The following KMT2A variants were observed in gnomAD, a reference collection of about 807,000 sequenced individuals.
KMT2A encodes the protein histone-lysine N-methyltransferase 2A.
A neutral mutation model predicts 345.3 loss-of-function variants in KMT2A; 16 were observed. The observed-to-expected ratio is 0.05, with a 90% CI of 0.03 to 0.07. The LOEUF is 0.07. Among genes scored for constraint, KMT2A ranks in the 10% least tolerant of loss-of-function variants. KMT2A has a pLI of 1.00. For missense variants in KMT2A, 3,272 were observed against 4,841.6 expected, an observed-to-expected ratio of 0.68 and a Z score of 9.62; for synonymous variants, 1,599 against 1,778.6, an observed-to-expected ratio of 0.90 and a Z score of 2.54.
chr11:118,504,899 G>A lies in KMT2A; in HGVS notation c.9007G>A (p.Asp3003Asn). The A allele has an allele frequency of 6.2e-7, 1 of 1,614,174 alleles. No homozygotes were observed. The highest frequency in any genetic ancestry group is 8.5e-7 in the Non-Finnish European group (1 of 1,180,024). ...TGATCATTTTATCCAAGGACACATG[G>A]ATGCAGACCACATCTCTAGCCCTCC... Reference protein sequence around the residue: ...TPDHFIQGHMDADHISSPPCG... With the variant: ...TPDHFIQGHMNADHISSPPCG... The change falls in exon 27 of 36, where the codon GAT becomes AAT. Residue 3003 changes from aspartate to asparagine, a missense_variant. Coordinates refer to ENST00000534358, the MANE Select transcript of KMT2A (RefSeq NM_001197104.2). This position sits in a 1 kb window ranked among gnomAD's most constrained non-coding sequence, Gnocchi z 6.4.
Position 118,521,484 on chromosome 11 carries a change from T to C in KMT2A, c.11643+67T>C, listed in dbSNP as rs543984671. 727 of 1,554,138 alleles carry C rather than the reference T, an allele frequency of 4.7e-4. 1 individual carries two copies. Among genetic ancestry groups the C allele is most frequent in the Middle Eastern group, 1.7e-3 (10 of 5,868 alleles). ...TGTAGAAAGGGACCAGTATGACCCC[T>C]GGATCACAAAAGAAATAGTGTATGT... On this transcript the variant is annotated intron_variant, in intron 35 of 35. Coordinates refer to ENST00000534358, the MANE Select transcript of KMT2A (RefSeq NM_001197104.2). This position sits in a 1 kb window ranked among gnomAD's most constrained non-coding sequence, Gnocchi z 5.3.
chr11:118,450,321 T>G (rs1389064170), intron 1 of KMT2A: 1 of 152,328 alleles, frequency 6.6e-6, no homozygotes. Context: ...GTTTTTTTGT[T>G]TTTAAGACAG....
Position 118,521,922 on chromosome 11 carries a change from TTGA to T in KMT2A, c.11673_11675del (p.Asp3892del). The T allele has an allele frequency of 6.2e-7, 1 of 1,614,092 alleles. No homozygotes were observed. Among genetic ancestry groups the T allele is most frequent in the Non-Finnish European group, 8.5e-7 (1 of 1,179,938 alleles). On this transcript the variant is annotated inframe_deletion, in exon 36 of 36. Transcript: ENST00000534358. This position sits in a 1 kb window ranked among gnomAD's most constrained non-coding sequence, Gnocchi z 5.3. ...GGCATTGGTTGCTATATGTTCCGAA[TTGA>T]TGACTCAGAGGTAGTGGATGCCACC... is the stretch of plus-strand genomic sequence containing the variant.
chr11:118,507,496 T>C, intron 27 of KMT2A, 33 bp from the exon 28 acceptor site: 1 of 1,589,072 alleles, frequency 6.3e-7, no homozygotes, highest in Non-Finnish European at 8.6e-7. Context: ...ACTGGTGGTT[T>C]GTCTTGAAAA....
intron 1 of KMT2A, among the ~76,000 whole-genome samples, chr11:118,464,232 T>C (rs1425591831): frequency 6.6e-6 from 1 of 152,206 alleles, no homozygotes; most frequent in Non-Finnish European, 1.5e-5. Flanking sequence ...GCTTACACAA[T>C]TCTGACTGAA....
At chr11:118,482,227 A>G in intron 7 of KMT2A, 135 bp downstream of exon 7, 1 of 1,070,336 alleles carries the variant, frequency 9.3e-7, no homozygotes, top group Non-Finnish European at 1.3e-6. Context: ...TCTCTTTCTA[A>G]CTATTATGTT....
rs1950140916 is a variant in KMT2A at position 118,481,974 on chromosome 11, C to G, written c.3894C>G (p.Val1298=). 6.2e-7 allele frequency: 1 copy of G among 1,614,102 alleles called. No individual in the cohort carries two copies. The highest frequency in any genetic ancestry group is 8.5e-7 in the Non-Finnish European group (1 of 1,180,042). Residue 1298 remains valine, a synonymous_variant, in exon 7 of 36, where the codon GTC becomes GTG. Coordinates refer to ENST00000534358, the MANE Select transcript of KMT2A (RefSeq NM_001197104.2). ...CTTCCAGGAAGTCAAGCAAGCAGGT[C>G]TCCCAGCCAGCACTGGTCATCCCGC... ...TPASRKSSKQ[V]SQPALVIPPQ... is the part of the protein sequence containing the mutation.
chr11:118,493,414 G>A lies in KMT2A; in HGVS notation c.5178+184G>A, dbSNP rs1950355812. Reference sequence around the variant, plus strand: ...AGCTTTGTGTTTCAGAAGAAGGGTTGTGATAGGGAAGATAATGTCTTAAAA... The same window carrying A: ...AGCTTTGTGTTTCAGAAGAAGGGTTATGATAGGGAAGATAATGTCTTAAAA... On this transcript the variant is annotated intron_variant, in intron 16 of 35. Coordinates refer to ENST00000534358, the MANE Select transcript of KMT2A (RefSeq NM_001197104.2). The surrounding 1 kb of genome is among the most constrained non-coding windows in gnomAD (Gnocchi z 5.8). Among the ~76,000 whole-genome samples, 1 of 152,230 alleles carries A rather than the reference G, an allele frequency of 6.6e-6. No individual in the cohort carries two copies. Among genetic ancestry groups the A allele is most frequent in the African/African-American group, 2.4e-5 (1 of 41,464 alleles).
Position 118,484,121 on chromosome 11 carries a change from G to GTT in KMT2A, c.4087-61_4087-60dup. 6.7e-7 allele frequency: 1 copy of GTT among 1,487,050 alleles called. No individual in the cohort carries two copies. Among genetic ancestry groups the GTT allele is most frequent in the African/African-American group, 1.4e-5 (1 of 71,330 alleles). The allele number at this position is 1,487,050 out of a possible 1,614,324, so 92.1% of individuals were successfully genotyped here. Reference sequence around the variant, plus strand: ...AAATTTGTCATTTGCATTATTATCTGTTGCAAATGTGAAGGCAAATAGGGT... The same window carrying GTT: ...AAATTTGTCATTTGCATTATTATCTGTTTTGCAAATGTGAAGGCAAATAGGGT... On this transcript the variant is annotated intron_variant, in intron 8 of 35. Coordinates refer to ENST00000534358, the MANE Select transcript of KMT2A (RefSeq NM_001197104.2). This position sits in a 1 kb window ranked among gnomAD's most constrained non-coding sequence, Gnocchi z 4.1.
In KMT2A at chr11:118,490,661, A is replaced by G. The variant is rs1950310783; in HGVS notation, c.4696+412A>G. ...ATAATCATATAAAGTTCACTGTTTTAAGTAAGATAAGCAGATCAGTTTGAA... is the reference window on the plus strand; with the variant it reads ...ATAATCATATAAAGTTCACTGTTTTGAGTAAGATAAGCAGATCAGTTTGAA... On this transcript the variant is annotated intron_variant, in intron 13 of 35. Transcript: ENST00000534358. This position sits in a 1 kb window ranked among gnomAD's most constrained non-coding sequence, Gnocchi z 4.2. Among the ~76,000 whole-genome samples the G allele has an allele frequency of 2.6e-5, 4 of 152,112 alleles. No homozygotes were observed. Among genetic ancestry groups the G allele is most frequent in the Admixed American group, 2.6e-4 (4 of 15,282 alleles).
At position 118,505,557 on chromosome 11, in the gene KMT2A, A is replaced by C; in HGVS notation, c.9665A>C (p.Lys3222Thr). Residue 3222 changes from lysine (K) to threonine (T), a missense_variant, in exon 27 of 36, where the codon AAG becomes ACG. By Grantham distance (78) the Lys-to-Thr change is moderately conservative. Transcript: ENST00000534358. This position sits in a 1 kb window ranked among gnomAD's most constrained non-coding sequence, Gnocchi z 4.6. The part of the protein sequence containing the change: ...TTVATPSSGL[K>T]KRPISRLQTR... ...GTAGCCACTCCATCCTCTGGACTCAAGAAAAGACCCATATCTCGTCTACAG... is the reference window on the plus strand; with the variant it reads ...GTAGCCACTCCATCCTCTGGACTCACGAAAAGACCCATATCTCGTCTACAG... 1 of 1,614,170 alleles carries C rather than the reference A, an allele frequency of 6.2e-7. No individual in the cohort carries two copies. The highest frequency in any genetic ancestry group is 8.5e-7 in the Non-Finnish European group (1 of 1,180,020).
chr11:118,443,509 G>A (rs1339445882), intron 1 of KMT2A, among the ~76,000 whole-genome samples: 8 of 152,194 alleles, frequency 5.3e-5, no homozygotes, highest in African/African-American at 1.7e-4. Flanking sequence ...ATTTTGTTAC[G>A]TGATTTGTAA....
chr11:118,482,642 G>C, intron 8 of KMT2A, 147 bp downstream of exon 8: 1 of 572,394 alleles, frequency 1.7e-6, no homozygotes, highest in Non-Finnish European at 3.0e-6. Context: ...GGGCACGGTG[G>C]CTCACGCTGG....
chr11:118,480,164 G>C lies in KMT2A; in HGVS notation c.3570-10G>C, dbSNP rs2134293641. On this transcript the variant is annotated splice_polypyrimidine_tract_variant and intron_variant, in intron 5 of 35. Transcript: ENST00000534358. ...TAATTTGTTTCATGGTTTATTCGTTGTTTTCCTAGGATGAGAAAATGTCAG... is the reference window on the plus strand; with the variant it reads ...TAATTTGTTTCATGGTTTATTCGTTCTTTTCCTAGGATGAGAAAATGTCAG... 1 of 1,608,390 alleles carries C rather than the reference G, an allele frequency of 6.2e-7. No individual in the cohort carries two copies.
In KMT2A at chr11:118,498,396, A is replaced by G. The variant is rs1591274918; in HGVS notation, c.5829A>G (p.Gly1943=). The part of the protein sequence containing the change: ...QLRCEFCQKP[G]ATVGCCLTSC... Reference sequence around the variant, plus strand: ...GATGTGAATTCTGCCAAAAGCCAGGAGCCACCGTGGGTTGCTGTCTCACAT... The same window carrying G: ...GATGTGAATTCTGCCAAAAGCCAGGGGCCACCGTGGGTTGCTGTCTCACAT... The change falls in exon 22 of 36, where the codon GGA becomes GGG. Residue 1943 remains glycine, a synonymous_variant. Coordinates refer to ENST00000534358, the MANE Select transcript of KMT2A (RefSeq NM_001197104.2). The surrounding 1 kb of genome is among the most constrained non-coding windows in gnomAD (Gnocchi z 4.4). 1 of 1,612,194 alleles carries G rather than the reference A, an allele frequency of 6.2e-7. No homozygotes were observed. Among genetic ancestry groups the G allele is most frequent in the African/African-American group, 1.3e-5 (1 of 74,782 alleles).
chr11:118,498,567 A>T lies in KMT2A; in HGVS notation c.5961+39A>T. On this transcript the variant is annotated intron_variant, in intron 22 of 35. Coordinates refer to ENST00000534358, the MANE Select transcript of KMT2A (RefSeq NM_001197104.2). This position sits in a 1 kb window ranked among gnomAD's most constrained non-coding sequence, Gnocchi z 4.4. ...AGTTGCTTTAAAAAAAAAAAAAAAG[A>T]CTTTTTTAGAGCAGTTTTAGGTTCA... The T allele has an allele frequency of 2.0e-6, 3 of 1,515,622 alleles. No homozygotes were observed. Among genetic ancestry groups the T allele is most frequent in the Non-Finnish European group, 2.7e-6 (3 of 1,126,036 alleles). 93.9% of individuals were successfully genotyped at this position (1,515,622 alleles called of 1,614,324 possible). A position where few individuals can be genotyped will look rare whatever the true frequency, so the allele number is the denominator to read the frequency against.
chr11:118,507,717 T>C (rs1950609909), intron 28 of KMT2A, 108 bp downstream of exon 28: 1 of 846,050 alleles, frequency 1.2e-6, no homozygotes, highest in Non-Finnish European at 1.9e-6. Context: ...GTAATCCTAG[T>C]AGTCTGGGAG....
At position 118,472,037 on chromosome 11, in the gene KMT2A, G is replaced by C; in HGVS notation, c.878G>C (p.Gly293Ala). 6.2e-7 allele frequency: 1 copy of C among 1,613,562 alleles called. No individual in the cohort carries two copies. The highest frequency in any genetic ancestry group is 8.5e-7 in the Non-Finnish European group (1 of 1,179,906). The change falls in exon 3 of 36, where the codon GGA becomes GCA. Residue 293 changes from glycine to alanine, a missense_variant. Gly to Ala is a moderately conservative substitution (Grantham distance 60). Coordinates refer to ENST00000534358, the MANE Select transcript of KMT2A (RefSeq NM_001197104.2). ...TTTAAGACAGGGAAGCTTCAAATAG[G>C]AAGGAAGGGGGTACAAATTGTACGA... ...SKFKTGKLQI[G>A]RKGVQIVRRR...
chr11:118,485,845 G>A (rs1167635054), intron 10 of KMT2A, among the ~76,000 whole-genome samples: 1 of 152,214 alleles, frequency 6.6e-6, no homozygotes, highest in Non-Finnish European at 1.5e-5. Flanking sequence ...CACTTTGGGA[G>A]GCCAAGGCAG....
Sources: allele counts gnomAD v4.1 joint callset (sites outside exome capture counted in the v4.1 genomes callset), GRCh38; gene constraint gnomAD v4.1.1; non-coding constraint Gnocchi (gnomAD v3.1); transcripts MANE v1.5; gene names NCBI Gene and HGNC (gene_info 2026-07-23, HGNC 2026-07-21).